The following LDB3 variants were observed in gnomAD, a reference collection of about 807,000 sequenced individuals.
LDB3 encodes LIM domain binding 3, also known as LIM domain-binding protein 3.
LDB3 carries 49 observed loss-of-function variants against 69.0 expected under a neutral mutation model. The ratio of observed to expected loss-of-function variants is 0.71; its 90% CI spans 0.56 to 0.90. LDB3 has a LOEUF of 0.90. Among genes scored for constraint, LDB3 ranks in the 40% least tolerant of loss-of-function variants. The pLI, the probability that LDB3 is intolerant of heterozygous loss-of-function variation, is 0.00. For missense variants in LDB3, 928 were observed against 974.1 expected (o/e 0.95, Z 0.63); for synonymous variants, 387 against 396.2 (o/e 0.98, Z 0.28).
chr10:86,670,159 A>G (rs1024240359), intron 2 of LDB3, among the ~76,000 whole-genome samples: 2 of 152,148 alleles, frequency 1.3e-5, no homozygotes, highest in Non-Finnish European at 2.9e-5. Context: ...GCTCTGGTGC[A>G]GGGAACAGGC....
Position 86,699,325 on chromosome 10 carries a change from G to A in LDB3, c.896+6754G>A, listed in dbSNP as rs751981682. Reference sequence around the variant, plus strand: ...AACAGCCCACGTTTTGCCAAATTGCGCAACTGGCACCATGGCCTTTCAGCC... The same window carrying A: ...AACAGCCCACGTTTTGCCAAATTGCACAACTGGCACCATGGCCTTTCAGCC... On this transcript the variant is annotated intron_variant, in intron 7 of 13. Transcript: ENST00000361373. The surrounding 1 kb of genome is among the most constrained non-coding windows in gnomAD (Gnocchi z 4.9). The A allele has an allele frequency of 1.9e-5, 31 of 1,613,584 alleles. No individual in the cohort carries two copies. Among genetic ancestry groups the A allele is most frequent in the Middle Eastern group, 1.6e-4 (1 of 6,084 alleles).
chr10:86,686,806 C>CAAAAA, intron 5 of LDB3, among the ~76,000 whole-genome samples: 1 of 133,176 alleles, frequency 7.5e-6, no homozygotes, highest in South Asian at 2.5e-4. Flanking sequence ...GACCCTGTAT[C>CAAAAA]AAAAAAAAAA....
At chr10:86,700,223 G>A (rs1010767614) in intron 7 of LDB3, among the ~76,000 whole-genome samples, 10 of 152,134 alleles carry the variant, frequency 6.6e-5, no homozygotes, top group South Asian at 6.2e-4. Context: ...CACAGGTTCC[G>A]AGCCCAGCTG....
At chr10:86,698,223 C>A (rs1192738388) in intron 7 of LDB3, among the ~76,000 whole-genome samples, 1 of 152,244 alleles carries the variant, frequency 6.6e-6, no homozygotes. Flanking sequence ...ATTTTTTAAT[C>A]AGCATAATTC....
chr10:86,677,031 G>T (rs979347925), intron 2 of LDB3, among the ~76,000 whole-genome samples: 6 of 152,228 alleles, frequency 3.9e-5, no homozygotes, highest in African/African-American at 1.4e-4. Context: ...TAGCCAGGAA[G>T]GTGACTGGGA....
intron 5 of LDB3, among the ~76,000 whole-genome samples, chr10:86,684,116 G>A (rs1326067670): frequency 6.6e-6 from 1 of 152,266 alleles, no homozygotes; most frequent in Non-Finnish European, 1.5e-5. Flanking sequence ...GAGAGAAACA[G>A]ATGTGGTGCA....
At chr10:86,670,907 T>A (rs557717949) in intron 2 of LDB3, among the ~76,000 whole-genome samples, 1 of 152,322 alleles carries the variant, frequency 6.6e-6, no homozygotes, top group East Asian at 1.9e-4. Flanking sequence ...GTGTCCTGGT[T>A]CAGTGCCGCT....
intron 13 of LDB3, among the ~76,000 whole-genome samples, chr10:86,727,689 CGG>C (rs1325556733): frequency 6.6e-6 from 1 of 152,204 alleles, no homozygotes; most frequent in Non-Finnish European, 1.5e-5. Context: ...GAGCTACTAG[CGG>C]TTGCTAGCAA....
intron 10 of LDB3, 90 bp from the exon 11 acceptor site, chr10:86,717,874 G>C: frequency 8.1e-7 from 1 of 1,234,496 alleles, no homozygotes; most frequent in Admixed American, 2.0e-5. Flanking sequence ...GAGTTATTGG[G>C]TAAAAGTATA....
intron 12 of LDB3, among the ~76,000 whole-genome samples, chr10:86,722,952 T>C (rs4611110): frequency 0.23 from 35,340 of 151,964 alleles, 4,861 homozygotes; most frequent in East Asian, 0.58. Flanking sequence ...AACCATTTAA[T>C]TTAATTTTTA....
chr10:86,685,023 T>C lies in LDB3; in HGVS notation c.689+3220T>C, dbSNP rs116359079. Among the ~76,000 whole-genome samples the C allele has an allele frequency of 8.2e-3, 1,251 of 152,302 alleles. 10 individuals are homozygous for C. The highest frequency in any genetic ancestry group is 0.028 in the African/African-American group (1,175 of 41,560). On this transcript the variant is annotated intron_variant, in intron 5 of 13. Coordinates refer to ENST00000361373, the MANE Select transcript of LDB3 (RefSeq NM_007078.3). ...CTGCTCGCTCCTCCATCCTGCCTCATTGCTGGCCCAAGGGGCCTTTAGGAG... is the reference window on the plus strand; with the variant it reads ...CTGCTCGCTCCTCCATCCTGCCTCACTGCTGGCCCAAGGGGCCTTTAGGAG...
intron 5 of LDB3, among the ~76,000 whole-genome samples, chr10:86,683,432 T>C (rs1312442775): frequency 6.6e-6 from 1 of 152,228 alleles, no homozygotes; most frequent in Non-Finnish European, 1.5e-5. Flanking sequence ...AGAACTGGCA[T>C]GCAGGTCTGC....
chr10:86,681,381 G>A (rs1246470918), intron 4 of LDB3, 55 bp from the exon 5 acceptor site: 12 of 1,596,580 alleles, frequency 7.5e-6, no homozygotes, highest in East Asian at 2.2e-5. Flanking sequence ...GCTGGGACGC[G>A]TGTGGCCTCT....
At chr10:86,715,159 G>A (rs1375303109) in intron 9 of LDB3, among the ~76,000 whole-genome samples, 1 of 152,192 alleles carries the variant, frequency 6.6e-6, no homozygotes, top group African/African-American at 2.4e-5. Context: ...TGAGGCTGGA[G>A]TATGGGGTGG....
At chr10:86,717,241 C>T (rs1344422878) in intron 10 of LDB3, among the ~76,000 whole-genome samples, 2 of 152,154 alleles carry the variant, frequency 1.3e-5, no homozygotes. Flanking sequence ...ACTTAGAAGC[C>T]ATGGACCATG....
chr10:86,688,089 G>GTGTGTGTGTA (rs1410039579), intron 5 of LDB3, among the ~76,000 whole-genome samples: 44 of 131,110 alleles, frequency 3.4e-4, no homozygotes, highest in African/African-American at 7.9e-4. Context: ...GTGTGTATGT[G>GTGTGTGTGTA]TCTGTCTATC....
chr10:86,672,500 C>T (rs902098240), intron 2 of LDB3, among the ~76,000 whole-genome samples: 1 of 152,198 alleles, frequency 6.6e-6, no homozygotes, highest in Non-Finnish European at 1.5e-5. Context: ...ATTTCGGGGC[C>T]GCTGGAGCAC....
At chr10:86,675,650 C>G (rs1020937749) in intron 2 of LDB3, among the ~76,000 whole-genome samples, 1 of 152,236 alleles carries the variant, frequency 6.6e-6, no homozygotes, top group Non-Finnish European at 1.5e-5. Context: ...AAAATTCGCC[C>G]TGGAAAGAAG....
chr10:86,717,862 C>CACAAAATAACCCA (rs1846932397), intron 10 of LDB3, 102 bp from the exon 11 acceptor site: 2 of 1,105,740 alleles, frequency 1.8e-6, no homozygotes, highest in Non-Finnish European at 2.7e-6. Context: ...TCACAAAAGT[C>CACAAAATAACCCA]AGAGTTATTG....
Sources: allele counts gnomAD v4.1 joint callset (sites outside exome capture counted in the v4.1 genomes callset), GRCh38; gene constraint gnomAD v4.1.1; non-coding constraint Gnocchi (gnomAD v3.1); transcripts MANE v1.5; gene names NCBI Gene and HGNC (gene_info 2026-07-23, HGNC 2026-07-21).